The following BRINP3 variants were observed in gnomAD, a reference collection of about 807,000 sequenced individuals.
BRINP3 encodes BMP/retinoic acid-inducible neural-specific protein 3.
BRINP3 carries 19 observed loss-of-function variants against 71.0 expected under a neutral mutation model. The observed-to-expected ratio is 0.27, with a 90% confidence interval of 0.19 to 0.39. The LOEUF (loss-of-function observed/expected upper bound fraction) is 0.39. Ranked by LOEUF, BRINP3 falls within the 10% of genes least tolerant of loss-of-function variation. BRINP3 has a pLI of 1.00. For missense variants in BRINP3, 959 were observed against 940.8 expected (o/e 1.02, Z -0.25); for synonymous variants, 380 against 337.7 (o/e 1.13, Z -1.37).
At chr1:190,341,632 T>A (rs1357675326) in intron 2 of BRINP3, among the ~76,000 whole-genome samples, 2 of 151,778 alleles carry the variant, frequency 1.3e-5, no homozygotes, top group African/African-American at 4.8e-5. Context: ...CAAAGAGTTA[T>A]CTTTTGACTG....
In BRINP3 at chr1:190,353,119, ATGT is replaced by A. The variant is rs200434194; in HGVS notation, c.237-71372_237-71370del. On this transcript the variant is annotated intron_variant, in intron 2 of 7. Coordinates refer to ENST00000367462, the MANE Select transcript of BRINP3 (RefSeq NM_199051.3). Reference sequence around the variant, plus strand: ...TATATGCAGGCTCTCACCAGAGAACATGTTGTGTTTTAAATCTATTTCATGTTT... The same window carrying A: ...TATATGCAGGCTCTCACCAGAGAACATGTGTTTTAAATCTATTTCATGTTT... Among the ~76,000 whole-genome samples the A allele has an allele frequency of 5.5e-3, 829 of 151,966 alleles. 4 individuals carry two copies. The highest frequency in any genetic ancestry group is 0.018 in the African/African-American group (758 of 41,498).
chr1:190,230,222 G>A (rs1005926975), intron 5 of BRINP3, among the ~76,000 whole-genome samples: 8 of 151,646 alleles, frequency 5.3e-5, no homozygotes, highest in Non-Finnish European at 1.5e-5. Context: ...AGAATGAGAG[G>A]AAAGAAAGGA....
chr1:190,385,501 C>G (rs1670832702), intron 2 of BRINP3, among the ~76,000 whole-genome samples: 1 of 151,682 alleles, frequency 6.6e-6, no homozygotes, highest in Admixed American at 6.6e-5. Context: ...CACTGGCCAT[C>G]AGAGAAATGC....
chr1:190,454,151 T>A (rs1256083245), intron 2 of BRINP3, among the ~76,000 whole-genome samples: 1 of 152,240 alleles, frequency 6.6e-6, no homozygotes, highest in Non-Finnish European at 1.5e-5. Context: ...TGCTATCATG[T>A]CCTATTTATC....
intron 6 of BRINP3, among the ~76,000 whole-genome samples, chr1:190,188,099 T>G (rs1357409277): frequency 2.0e-5 from 3 of 152,092 alleles, no homozygotes; most frequent in African/African-American, 4.8e-5. Flanking sequence ...TACACATTGT[T>G]GGATAAATTT....
intron 2 of BRINP3, among the ~76,000 whole-genome samples, chr1:190,297,398 T>G (rs995513518): frequency 2.0e-5 from 3 of 152,052 alleles, no homozygotes; most frequent in African/African-American, 4.8e-5. Flanking sequence ...GACTTAAATG[T>G]AAGAACTGAA....
chr1:190,228,368 T>G (rs952834266), intron 5 of BRINP3, among the ~76,000 whole-genome samples: 1 of 152,060 alleles, frequency 6.6e-6, no homozygotes, highest in Admixed American at 6.6e-5. Context: ...TTATCCATTT[T>G]AATCTTAATT....
At chr1:190,350,464 TAAG>T (rs933903988) in intron 2 of BRINP3, among the ~76,000 whole-genome samples, 17 of 152,042 alleles carry the variant, frequency 1.1e-4, no homozygotes, top group Admixed American at 9.8e-4. Context: ...CAATAGAAAA[TAAG>T]AAGACCTTAA....
chr1:190,229,645 A>AACACACACACACACACACAC (rs71794093), intron 5 of BRINP3, among the ~76,000 whole-genome samples: 8 of 133,414 alleles, frequency 6.0e-5, no homozygotes, highest in African/African-American at 8.3e-5. Context: ...AACAAAACAA[A>AACACACACACACACACACAC]ACACACACAC....
rs564490768 is a variant in BRINP3 at position 190,336,494 on chromosome 1, G to A, written c.237-54744C>T. Among the ~76,000 whole-genome samples the A allele has an allele frequency of 3.3e-4, 50 of 151,906 alleles. 1 individual carries two copies. Among genetic ancestry groups the A allele is most frequent in the Admixed American group, 2.0e-3 (30 of 15,242 alleles). On this transcript the variant is annotated intron_variant, in intron 2 of 7. Transcript: ENST00000367462. ...AATCCCAAAATCAAGCTACTATATT[G>A]GTATGAAAATGCCTATTCTTCCACT...
At position 190,098,447 on chromosome 1, in the gene BRINP3, T is replaced by C; in HGVS notation, c.1872A>G (p.Thr624=). The C allele has an allele frequency of 6.2e-7, 1 of 1,614,168 alleles. No individual in the cohort carries two copies. The highest frequency in any genetic ancestry group is 1.1e-5 in the South Asian group (1 of 91,082). ...LGNKWKTFFE[T]VHIYLRSRIK... ...TGCGACTTCTCAGGTAGATGTGTAC[T>C]GTCTCAAAAAATGTCTTCCATTTGT... The change falls in exon 8 of 8, where the codon ACA becomes ACG. Residue 624 remains threonine, a synonymous_variant. Coordinates refer to ENST00000367462, the MANE Select transcript of BRINP3 (RefSeq NM_199051.3).
At chr1:190,219,871 TA>T (rs981070548) in intron 6 of BRINP3, among the ~76,000 whole-genome samples, 1 of 150,202 alleles carries the variant, frequency 6.7e-6, no homozygotes, top group African/African-American at 2.4e-5. Context: ...TAATAAATTT[TA>T]AAAAAAGGGA....
chr1:190,424,183 G>A (rs1673556078), intron 2 of BRINP3, among the ~76,000 whole-genome samples: 1 of 151,590 alleles, frequency 6.6e-6, no homozygotes, highest in Admixed American at 6.6e-5. Context: ...TTCCTATGTT[G>A]TGAGTTCTAA....
intron 7 of BRINP3, among the ~76,000 whole-genome samples, chr1:190,118,131 TACAC>T (rs3078073): frequency 2.9e-4 from 44 of 150,132 alleles, no homozygotes; most frequent in Admixed American, 2.9e-3. Flanking sequence ...TCCCAAATCA[TACAC>T]ACACACACAC....
intron 2 of BRINP3, among the ~76,000 whole-genome samples, chr1:190,406,639 G>A (rs901695975): frequency 3.3e-5 from 5 of 152,042 alleles, no homozygotes; most frequent in Non-Finnish European, 5.9e-5. Flanking sequence ...TGCTGAGAAC[G>A]CAGTTTTATC....
intron 6 of BRINP3, among the ~76,000 whole-genome samples, chr1:190,195,622 G>C (rs1271207380): frequency 6.6e-6 from 1 of 151,822 alleles, no homozygotes; most frequent in African/African-American, 2.4e-5. Context: ...GTCTCTCATA[G>C]AAAGGTACAT....
chr1:190,469,522 C>T (rs979624106), intron 1 of BRINP3, among the ~76,000 whole-genome samples: 1 of 150,774 alleles, frequency 6.6e-6, no homozygotes, highest in Non-Finnish European at 1.5e-5. Flanking sequence ...CATAATTTTT[C>T]TTCTACCAAT....
chr1:190,273,169 A>G (rs996329294), intron 3 of BRINP3, among the ~76,000 whole-genome samples: 1 of 151,316 alleles, frequency 6.6e-6, no homozygotes, highest in African/African-American at 2.4e-5. Context: ...TAACTTTTCC[A>G]CAAGTATTAA....
At chr1:190,258,324 G>A (rs901217564) in intron 4 of BRINP3, among the ~76,000 whole-genome samples, 6 of 152,126 alleles carry the variant, frequency 3.9e-5, no homozygotes, top group Non-Finnish European at 5.9e-5. Context: ...TGTGTCATTT[G>A]CTAAGACCAT....
Sources: gnomAD v4.1 joint callset for allele counts (sites outside exome capture counted in the v4.1 genomes callset) on GRCh38, gnomAD v4.1.1 for gene constraint, MANE v1.5 for transcripts, NCBI Gene and HGNC (gene_info 2026-07-23, HGNC 2026-07-21) for gene names.